HOOK1: variants seen among roughly 807,000 people sequenced by gnomAD.
HOOK1 encodes protein Hook homolog 1.
Under a neutral mutation model 112.8 loss-of-function variants are expected in HOOK1, and 60 were observed. The ratio of observed to expected loss-of-function variants is 0.53; its 90% CI spans 0.43 to 0.66. The LOEUF is 0.66. HOOK1 is among the 30% of genes least tolerant of loss of function. The pLI, the probability that HOOK1 is intolerant of heterozygous loss-of-function variation, is 0.00. For missense variants in HOOK1, 770 were observed against 856.0 expected, an observed-to-expected ratio of 0.90 and a Z score of 1.25; for synonymous variants, 294 against 283.8, an observed-to-expected ratio of 1.04 and a Z score of -0.36.
chr1:59,874,866 G>C lies in HOOK1; in HGVS notation c.*1901G>C, dbSNP rs753352488. The C allele has an allele frequency of 1.3e-5, 2 of 152,434 alleles. No homozygotes were observed. Among genetic ancestry groups the C allele is most frequent in the African/African-American group, 2.4e-5 (1 of 41,400 alleles). 9.4% of individuals were successfully genotyped at this position (152,434 alleles called of 1,614,324 possible). On this transcript the variant is annotated 3_prime_UTR_variant, in exon 22 of 22. Transcript: ENST00000371208. ...AATACAAGAATTTCGTACTGCATTT[G>C]CATCTCCGAGATTAGGGAGCACCTG... is the stretch of plus-strand genomic sequence containing the variant.
At chr1:59,852,939 A>G (rs1283566864) in intron 12 of HOOK1, among the ~76,000 whole-genome samples, 1 of 151,932 alleles carries the variant, frequency 6.6e-6, no homozygotes, top group Non-Finnish European at 1.5e-5. Context: ...TGAATATCCT[A>G]AATCTCCTTG....
intron 12 of HOOK1, among the ~76,000 whole-genome samples, chr1:59,855,236 G>C (rs1267465544): frequency 3.9e-5 from 6 of 152,162 alleles, no homozygotes; most frequent in Admixed American, 1.3e-4. Flanking sequence ...TCCTCAACCA[G>C]GTATTAAGCC....
intron 8 of HOOK1, among the ~76,000 whole-genome samples, 174 bp from the exon 9 acceptor site, chr1:59,843,258 T>G (rs1280308385): frequency 6.7e-6 from 1 of 149,636 alleles, no homozygotes; most frequent in Non-Finnish European, 1.5e-5. Flanking sequence ...GACTTACATC[T>G]CCTAGACTCT....
At chr1:59,827,244 T>C (rs2098390673) in intron 2 of HOOK1, among the ~76,000 whole-genome samples, 1 of 152,196 alleles carries the variant, frequency 6.6e-6, no homozygotes. Flanking sequence ...TTCAACTGAT[T>C]GGATGAGACC....
rs1253930650 is a variant in HOOK1, at chr1:59,821,749, G to A, written c.64-109G>A. ...CTACATTTAAACAAAACAGGACCAT[G>A]TTTTTTTTTTTTGTTTTTTTTAGCT... On this transcript the variant is annotated intron_variant, in intron 1 of 21. Coordinates refer to ENST00000371208, the MANE Select transcript of HOOK1 (RefSeq NM_015888.6). 1.2e-5 allele frequency: 7 copies of A among 590,614 alleles called. No homozygotes were observed. In the East Asian group the frequency reaches 1.5e-4, roughly 13 times the overall value. 36.6% of individuals were successfully genotyped at this position (590,614 alleles called of 1,614,324 possible).
At chr1:59,837,265 G>C (rs1233669405) in intron 7 of HOOK1, among the ~76,000 whole-genome samples, 2 of 152,028 alleles carry the variant, frequency 1.3e-5, no homozygotes, top group Non-Finnish European at 2.9e-5. Context: ...TTTTTTCACT[G>C]TTGCTATCCT....
intron 12 of HOOK1, among the ~76,000 whole-genome samples, chr1:59,849,819 A>C (rs2098406182): frequency 6.6e-6 from 1 of 151,692 alleles, no homozygotes; most frequent in Non-Finnish European, 1.5e-5. Context: ...TTGCCGAATA[A>C]TGCCCCATTG....
chr1:59,843,380 A>T, intron 8 of HOOK1, 52 bp from the exon 9 acceptor site: 2 of 1,366,394 alleles, frequency 1.5e-6, no homozygotes, highest in Non-Finnish European at 2.0e-6. Context: ...AAGAATTTTT[A>T]TTTTTTTGTT....
In HOOK1 at chr1:59,835,392, G is replaced by A; in HGVS notation, c.454G>A (p.Val152Ile). 6.3e-7 allele frequency: 1 copy of A among 1,584,870 alleles called. No homozygotes were observed. Among genetic ancestry groups the A allele is most frequent in the Non-Finnish European group, 8.7e-7 (1 of 1,154,884 alleles). Residue 152 changes from valine to isoleucine, a missense_variant, in exon 6 of 22, where the codon GTC (valine) becomes ATC (isoleucine). By Grantham distance (29) the Val-to-Ile change is conservative. Transcript: ENST00000371208. ...MTLEESVQHV[V>I]MTAIQELMSK... ...ACTGGAAGAGTCTGTTCAACATGTGGTCATGACTGCTATTCAAGAGGTAAG... is the reference window on the plus strand; with the variant it reads ...ACTGGAAGAGTCTGTTCAACATGTGATCATGACTGCTATTCAAGAGGTAAG...
rs956969722 is a variant in HOOK1 at position 59,873,572 on chromosome 1, A to G, written c.*607A>G. 6.6e-6 allele frequency: 1 copy of G among 151,670 alleles called. No individual in the cohort carries two copies. Among genetic ancestry groups the G allele is most frequent in the African/African-American group, 2.4e-5 (1 of 41,322 alleles). 9.4% of individuals were successfully genotyped at this position (151,670 alleles called of 1,614,324 possible). A position where few individuals can be genotyped will look rare whatever the true frequency, so the allele number is the denominator to read the frequency against. On this transcript the variant is annotated 3_prime_UTR_variant, in exon 22 of 22. Coordinates refer to ENST00000371208, the MANE Select transcript of HOOK1 (RefSeq NM_015888.6). ...GAATGACTTTGGAATAATAAAATTG[A>G]CTAATTGGAAATTTTGCATATTCTG... is the stretch of plus-strand genomic sequence containing the variant.
chr1:59,820,305 C>T (rs921691563), intron 1 of HOOK1, among the ~76,000 whole-genome samples: 2 of 152,170 alleles, frequency 1.3e-5, no homozygotes, highest in African/African-American at 2.4e-5. Context: ...CACTTAATTC[C>T]CCAACCATCT....
intron 4 of HOOK1, 51 bp downstream of exon 4, chr1:59,832,264 ACT>A (rs1352487490): frequency 2.8e-6 from 3 of 1,059,968 alleles, no homozygotes; most frequent in Non-Finnish European, 2.8e-6. Flanking sequence ...TACGAAAATT[ACT>A]TTAAGACTGA....
At chr1:59,843,696 C>A in intron 9 of HOOK1, 98 bp downstream of exon 9, 1 of 917,594 alleles carries the variant, frequency 1.1e-6, no homozygotes, top group Non-Finnish European at 1.6e-6. Flanking sequence ...CATTGTTAAG[C>A]ATCTTTAGGA....
intron 6 of HOOK1, among the ~76,000 whole-genome samples, chr1:59,836,419 G>A (rs2098397684): frequency 6.6e-6 from 1 of 152,144 alleles, no homozygotes; most frequent in Admixed American, 6.5e-5. Context: ...CTGTACATAA[G>A]TAAATCTGCC....
In HOOK1 at chr1:59,867,110, T is replaced by C. The variant is rs546784386; in HGVS notation, c.1845+1138T>C. Among the ~76,000 whole-genome samples the C allele has an allele frequency of 3.9e-5, 6 of 152,332 alleles. No individual in the cohort carries two copies. In the East Asian group the frequency reaches 1.2e-3, roughly 29 times the overall value. On this transcript the variant is annotated intron_variant, in intron 19 of 21. Transcript: ENST00000371208. Reference sequence around the variant, plus strand: ...AGACAGTTGCTTGCTTTCATAAATATGATTTTTTTTCCCATTACCTTATTT... The same window carrying C: ...AGACAGTTGCTTGCTTTCATAAATACGATTTTTTTTCCCATTACCTTATTT...
chr1:59,840,287 T>A, intron 7 of HOOK1, 21 bp from the exon 8 acceptor site: 1 of 1,533,790 alleles, frequency 6.5e-7, no homozygotes, highest in Non-Finnish European at 8.8e-7. Context: ...TTACTAAGAT[T>A]TAGGACATTT....
At position 59,873,962 on chromosome 1, in the gene HOOK1, T is replaced by TGGGC. The variant is rs2102083076; in HGVS notation, c.*998_*1001dup. 6.6e-6 allele frequency: 1 copy of TGGGC among 151,996 alleles called. No individual in the cohort carries two copies. Among genetic ancestry groups the TGGGC allele is most frequent in the South Asian group, 2.1e-4 (1 of 4,812 alleles). 9.4% of individuals were successfully genotyped at this position (151,996 alleles called of 1,614,324 possible). A position where few individuals can be genotyped will look rare whatever the true frequency, so the allele number is the denominator to read the frequency against. ...TGTTTACTTATTAAGGAGTTTATCT[T>TGGGC]GGGCTCAGTTTGTGGTATTCAGTTC... On this transcript the variant is annotated 3_prime_UTR_variant, in exon 22 of 22. Coordinates refer to ENST00000371208, the MANE Select transcript of HOOK1 (RefSeq NM_015888.6).
rs1644049509 is a variant in HOOK1, at chr1:59,871,121, G to A, written c.2016+11G>A. On this transcript the variant is annotated intron_variant, in intron 21 of 21. Transcript: ENST00000371208. Reference sequence around the variant, plus strand: ...GCGTGGTATAATAAGGTGAGCTGAAGTTCAGCAAATGATTGGATGAGAACG... The same window carrying A: ...GCGTGGTATAATAAGGTGAGCTGAAATTCAGCAAATGATTGGATGAGAACG... 1.6e-5 allele frequency: 26 copies of A among 1,596,918 alleles called. No individual in the cohort carries two copies. The highest frequency in any genetic ancestry group is 2.1e-5 in the Non-Finnish European group (24 of 1,165,498).
At chr1:59,837,155 T>C (rs2098398295) in intron 7 of HOOK1, among the ~76,000 whole-genome samples, 1 of 152,216 alleles carries the variant, frequency 6.6e-6, no homozygotes, top group African/African-American at 2.4e-5. Context: ...ACATTCCTTC[T>C]GACACTTGTA....
Sources: gnomAD v4.1 joint callset for allele counts (sites outside exome capture counted in the v4.1 genomes callset) on GRCh38, gnomAD v4.1.1 for gene constraint, MANE v1.5 for transcripts, NCBI Gene and HGNC (gene_info 2026-07-23, HGNC 2026-07-21) for gene names.